Variants in CWC27 observed in about 807,000 individuals in gnomAD.
CWC27 encodes CWC27 spliceosome associated cyclophilin.
A neutral mutation model predicts 63.6 loss-of-function variants in CWC27; 47 were observed. That is an observed-to-expected ratio of 0.74 (90% CI 0.58 to 0.94). The LOEUF (loss-of-function observed/expected upper bound fraction) is 0.94. Ranked by LOEUF, CWC27 falls within the 40% of genes least tolerant of loss-of-function variation. The pLI, the probability that CWC27 is intolerant of heterozygous loss-of-function variation, is 0.00. For missense variants in CWC27, 495 were observed against 554.3 expected, an observed-to-expected ratio of 0.89 and a Z score of 1.07; for synonymous variants, 175 against 179.8, an observed-to-expected ratio of 0.97 and a Z score of 0.22.
intron 11 of CWC27, among the ~76,000 whole-genome samples, chr5:64,894,661 A>G (rs941187186): frequency 2.0e-5 from 3 of 152,216 alleles, no homozygotes; most frequent in African/African-American, 7.2e-5. Flanking sequence ...TGGATATAAT[A>G]CAAAAATATC....
At chr5:64,912,061 G>A (rs775292513) in intron 11 of CWC27, among the ~76,000 whole-genome samples, 6 of 140,598 alleles carry the variant, frequency 4.3e-5, no homozygotes, top group African/African-American at 1.3e-4. Flanking sequence ...GCAACAGAGC[G>A]AGACTCTGTC....
intron 11 of CWC27, among the ~76,000 whole-genome samples, chr5:64,936,260 T>C (rs1253905451): frequency 7.2e-5 from 11 of 152,212 alleles, no homozygotes; most frequent in Admixed American, 7.2e-4. Context: ...TGTTATTATT[T>C]TGAGATACGT....
At chr5:64,976,481 A>G (rs560016840) in intron 12 of CWC27, among the ~76,000 whole-genome samples, 1 of 152,096 alleles carries the variant, frequency 6.6e-6, no homozygotes, top group Non-Finnish European at 1.5e-5. Context: ...TTTCTTTCTT[A>G]TAGACACTAA....
rs985251892 is a variant in CWC27, at chr5:64,781,886, T to C, written c.140-35T>C. ...TGGTAACTGTAGAGATGATTAATTTTAGACATTGATAAATTATTTTTATTT... is the reference window on the plus strand; with the variant it reads ...TGGTAACTGTAGAGATGATTAATTTCAGACATTGATAAATTATTTTTATTT... On this transcript the variant is annotated intron_variant, in intron 2 of 13. Coordinates refer to ENST00000381070, the MANE Select transcript of CWC27 (RefSeq NM_005869.4). 11 of 1,118,562 alleles carry C rather than the reference T, an allele frequency of 9.8e-6. No individual in the cohort carries two copies. In the African/African-American group the frequency reaches 1.1e-4, roughly 11 times the overall value. The allele number at this position is 1,118,562 out of a possible 1,614,324, so 69.3% of individuals were successfully genotyped here.
At chr5:64,952,922 C>A (rs1580746447) in intron 11 of CWC27, among the ~76,000 whole-genome samples, 1 of 152,090 alleles carries the variant, frequency 6.6e-6, no homozygotes, top group Admixed American at 6.6e-5. Context: ...CTTTAGTCTG[C>A]TATAGAAAAC....
At chr5:64,825,216 A>G (rs1745327258) in intron 10 of CWC27, among the ~76,000 whole-genome samples, 1 of 152,192 alleles carries the variant, frequency 6.6e-6, no homozygotes, top group Non-Finnish European at 1.5e-5. Flanking sequence ...GTATGTTGCA[A>G]TGGAAAGAGC....
chr5:64,975,015 T>C lies in CWC27; in HGVS notation c.1153-2120T>C, dbSNP rs77243377. On this transcript the variant is annotated intron_variant, in intron 12 of 13. Transcript: ENST00000381070. Reference sequence around the variant, plus strand: ...AAAACAGCTAAATGCTAACATACTCTGCAGCCCTCAGAATGCCTATGATGA... The same window carrying C: ...AAAACAGCTAAATGCTAACATACTCCGCAGCCCTCAGAATGCCTATGATGA... 1.2e-4 allele frequency among the ~76,000 whole-genome samples: 18 copies of C among 152,334 alleles called. No individual in the cohort carries two copies. The East Asian group carries it at 3.5e-3, about 29-fold the overall frequency.
In CWC27 at chr5:65,018,177, GT is replaced by G; in HGVS notation, c.1278del (p.Phe426LeufsTer8). The G allele has an allele frequency of 6.2e-7, 1 of 1,600,030 alleles. No individual in the cohort carries two copies. The highest frequency in any genetic ancestry group is 1.1e-5 in the South Asian group (1 of 87,372). ...DEGWMSHVLQ[F>X]EDKSRKVKDA... ...TATTTAGGATGTCACATGTACTTCA[GT>G]TTGAGGATAAAAGCAGAAAAGTGAA... On this transcript the variant is annotated frameshift_variant, in exon 14 of 14. Transcript: ENST00000381070. LOFTEE classifies it high-confidence loss of function.
chr5:64,942,458 AAAGAT>A (rs1436650947), intron 11 of CWC27, among the ~76,000 whole-genome samples: 150 of 151,282 alleles, frequency 9.9e-4, no homozygotes, highest in African/African-American at 3.4e-3. Flanking sequence ...AAAAAAAAAA[AAAGAT>A]AAAAGAAAAA....
chr5:64,853,808 G>C (rs1227297342), intron 10 of CWC27, among the ~76,000 whole-genome samples: 1 of 152,188 alleles, frequency 6.6e-6, no homozygotes, highest in African/African-American at 2.4e-5. Flanking sequence ...CAAAACTGGG[G>C]ATGACATTTC....
rs547229598 is a variant in CWC27, at chr5:64,807,990, G to A, written c.938+3604G>A. The A allele has an allele frequency of 4.3e-6, 6 of 1,395,168 alleles. No individual in the cohort carries two copies. The East Asian group carries it at 8.0e-5, about 19-fold the overall frequency. 86.4% of individuals were successfully genotyped at this position (1,395,168 alleles called of 1,614,324 possible). ...CACTAAGGCCATCTAGTTGATAATC[G>A]ACTGGCTACTTTCCATTTTTTTTTC... On this transcript the variant is annotated intron_variant, in intron 10 of 13. Coordinates refer to ENST00000381070, the MANE Select transcript of CWC27 (RefSeq NM_005869.4).
chr5:65,015,368 G>T (rs2112477184), intron 13 of CWC27, among the ~76,000 whole-genome samples: 1 of 152,268 alleles, frequency 6.6e-6, no homozygotes, highest in East Asian at 1.9e-4. Context: ...ATATGAAGAG[G>T]TATTAATAAG....
chr5:64,953,139 A>G (rs1225868576), intron 11 of CWC27, among the ~76,000 whole-genome samples: 1 of 152,088 alleles, frequency 6.6e-6, no homozygotes, highest in African/African-American at 2.4e-5. Context: ...AGTCTGTGGT[A>G]TGTATCTTGT....
chr5:64,865,526 G>C (rs1391613359), intron 10 of CWC27, among the ~76,000 whole-genome samples: 1 of 151,996 alleles, frequency 6.6e-6, no homozygotes, highest in East Asian at 1.9e-4. Context: ...TAGGACTTTG[G>C]GAATGGATGT....
At chr5:64,774,406 G>A (rs952178428) in intron 1 of CWC27, among the ~76,000 whole-genome samples, 4 of 152,122 alleles carry the variant, frequency 2.6e-5, no homozygotes, top group African/African-American at 4.8e-5. Flanking sequence ...AGATATTACC[G>A]TTTTCTAAAT....
chr5:64,802,502 A>C (rs889903455), intron 9 of CWC27, among the ~76,000 whole-genome samples: 1 of 152,188 alleles, frequency 6.6e-6, no homozygotes, highest in Admixed American at 6.6e-5. Flanking sequence ...GAAGATCACT[A>C]TTGGCGATAT....
intron 10 of CWC27, among the ~76,000 whole-genome samples, chr5:64,873,224 A>C (rs572647618): frequency 3.9e-4 from 60 of 152,322 alleles, no homozygotes; most frequent in African/African-American, 1.3e-3. Context: ...CCAAAGAAAG[A>C]AAGCTTTTTT....
intron 13 of CWC27, among the ~76,000 whole-genome samples, chr5:65,015,065 G>A (rs1439463049): frequency 2.0e-5 from 3 of 152,032 alleles, no homozygotes; most frequent in Non-Finnish European, 4.4e-5. Flanking sequence ...TTTAACTCAC[G>A]GCTCTCTGCT....
chr5:64,771,453 A>C (rs943001895), intron 1 of CWC27, among the ~76,000 whole-genome samples: 2 of 152,162 alleles, frequency 1.3e-5, no homozygotes, highest in African/African-American at 4.8e-5. Context: ...TTTTGCTGTA[A>C]CCCTAGCCCC....
Sources: allele counts gnomAD v4.1 joint callset (sites outside exome capture counted in the v4.1 genomes callset), GRCh38; gene constraint gnomAD v4.1.1; transcripts MANE v1.5; gene names NCBI Gene and HGNC (gene_info 2026-07-23, HGNC 2026-07-21).